CNKSR2: variants seen among roughly 807,000 people sequenced by gnomAD.
CNKSR2 encodes the protein CNK homolog protein 2.
CNKSR2 carries 14 observed loss-of-function variants against 84.4 expected under a neutral mutation model. The ratio of observed to expected loss-of-function variants is 0.17; its 90% confidence interval spans 0.11 to 0.26. The LOEUF (loss-of-function observed/expected upper bound fraction) is 0.26, where lower values mean the gene tolerates loss of function less well. Ranked by LOEUF, CNKSR2 falls within the 10% of genes least tolerant of loss-of-function variation. The pLI is 1.00. For missense variants in CNKSR2, 485 were observed against 771.2 expected (o/e 0.63, Z 4.40); for synonymous variants, 275 against 277.9 (o/e 0.99, Z 0.10).
At chrX:21,542,640 A>T (rs907313458) in intron 11 of CNKSR2, among the ~76,000 whole-genome samples, 3 of 111,833 alleles carry the variant, frequency 2.7e-5, no homozygotes, top group African/African-American at 9.7e-5. Flanking sequence ...CTTGCTGTAC[A>T]TGGACTCCTT....
At chrX:21,496,277 G>T (rs1234785529) in intron 6 of CNKSR2, among the ~76,000 whole-genome samples, 1 of 111,234 alleles carries the variant, frequency 9.0e-6, no homozygotes, top group East Asian at 2.8e-4. Context: ...CAGAGATCTT[G>T]TCCTCTTCTA....
rs141930819 is a variant in CNKSR2 at position 21,610,250 on chromosome X, C to T, written c.2692+633C>T. 7.2e-3 allele frequency among the ~76,000 whole-genome samples: 813 copies of T among 112,271 alleles called. 10 individuals carry two copies. Among genetic ancestry groups the T allele is most frequent in the African/African-American group, 0.025 (783 of 30,929 alleles). ...CTTGGTATGTGTGTTGATCGTAAAG[C>T]TCAATTTATGTGAATCAACTCTTAT... On this transcript the variant is annotated intron_variant, in intron 20 of 21. Transcript: ENST00000379510.
At chrX:21,624,614 A>G (rs769039478) in intron 20 of CNKSR2, among the ~76,000 whole-genome samples, 2 of 110,738 alleles carry the variant, frequency 1.8e-5, no homozygotes, top group Non-Finnish European at 3.8e-5. Context: ...GGTTCAAGCA[A>G]TTTCCGGCTA....
chrX:21,439,305 T>C (rs1483995828), intron 3 of CNKSR2, among the ~76,000 whole-genome samples: 1 of 111,010 alleles, frequency 9.0e-6, no homozygotes, highest in East Asian at 2.8e-4. Context: ...AAGTAATACA[T>C]TGAACAGAAT....
At chrX:21,574,159 A>G (rs913417572) in intron 13 of CNKSR2, among the ~76,000 whole-genome samples, 3 of 111,730 alleles carry the variant, frequency 2.7e-5, no homozygotes, top group Non-Finnish European at 3.8e-5. Flanking sequence ...CCTGGACTTC[A>G]TTGTACATAT....
chrX:21,483,087 T>C (rs1226718848), intron 5 of CNKSR2, among the ~76,000 whole-genome samples: 2 of 112,026 alleles, frequency 1.8e-5, no homozygotes, highest in Non-Finnish European at 3.8e-5. Context: ...TCTGTACTCG[T>C]ATGAACAAGA....
chrX:21,405,945 A>C (rs1179393021), intron 1 of CNKSR2, among the ~76,000 whole-genome samples: 2 of 111,635 alleles, frequency 1.8e-5, no homozygotes, highest in Non-Finnish European at 3.8e-5. Context: ...TGCTGTGTAG[A>C]TTCTACATAG....
chrX:21,443,028 G>A (rs760706640), intron 4 of CNKSR2, among the ~76,000 whole-genome samples: 26 of 110,350 alleles, frequency 2.4e-4, no homozygotes, highest in Non-Finnish European at 5.7e-5. Flanking sequence ...GGTGAGGATC[G>A]AAAAACTACC....
Position 21,602,713 on chromosome X carries a change from A to G in CNKSR2, c.2044+1364A>G, listed in dbSNP as rs1423589399. ...CAGATTTCTTTAAAAGGAATAAAAC[A>G]GTTCTCTGCAGAGACTATACTTGCA... On this transcript the variant is annotated intron_variant, in intron 18 of 21. Transcript: ENST00000379510. 3.6e-5 allele frequency among the ~76,000 whole-genome samples: 4 copies of G among 111,863 alleles called. No individual in the cohort carries two copies. In the Admixed American group the frequency reaches 3.8e-4, roughly 11 times the overall value.
intron 1 of CNKSR2, chrX:21,422,384 C>G (rs2090509249): frequency 8.9e-6 from 1 of 111,748 alleles, no homozygotes; most frequent in Non-Finnish European, 1.9e-5. Flanking sequence ...CCTCAGCTGT[C>G]AATCTCTTCC....
intron 11 of CNKSR2, among the ~76,000 whole-genome samples, chrX:21,551,043 A>G (rs1020081634): frequency 6.3e-5 from 7 of 110,584 alleles, no homozygotes; most frequent in Non-Finnish European, 1.3e-4. Context: ...AAAAAAAAAA[A>G]AATGAGTTTA....
intron 9 of CNKSR2, among the ~76,000 whole-genome samples, chrX:21,520,236 C>T (rs922778652): frequency 2.7e-5 from 3 of 110,936 alleles, no homozygotes; most frequent in African/African-American, 9.8e-5. Flanking sequence ...CTTAACCATC[C>T]CTTAGTCAAA....
chrX:21,541,332 T>A (rs1160985979), intron 11 of CNKSR2, among the ~76,000 whole-genome samples: 1 of 111,963 alleles, frequency 8.9e-6, no homozygotes, highest in Non-Finnish European at 1.9e-5. Flanking sequence ...CGAAGATTCT[T>A]ATGTTATACC....
intron 5 of CNKSR2, among the ~76,000 whole-genome samples, chrX:21,485,517 G>T (rs889037153): frequency 2.7e-5 from 3 of 110,464 alleles, no homozygotes; most frequent in Non-Finnish European, 5.7e-5. Flanking sequence ...CAAAAACTTT[G>T]CATTTCAGCC....
At chrX:21,617,319 C>CA (rs1243627798) in intron 20 of CNKSR2, among the ~76,000 whole-genome samples, 1 of 111,447 alleles carries the variant, frequency 9.0e-6, no homozygotes, top group African/African-American at 3.3e-5. Context: ...CCGAAGGTCA[C>CA]AAATGCCTCA....
intron 13 of CNKSR2, among the ~76,000 whole-genome samples, chrX:21,572,792 A>G (rs112374028): frequency 0.053 from 5,864 of 110,975 alleles, 393 homozygotes; most frequent in African/African-American, 0.18. Context: ...TCAAGATGAG[A>G]TTTGGGTGGG....
In CNKSR2 at chrX:21,394,736, CAGA is replaced by C. The variant is rs535819946; in HGVS notation, c.64+19779_64+19781del. Among the ~76,000 whole-genome samples, 9 of 111,282 alleles carry C rather than the reference CAGA, an allele frequency of 8.1e-5. No individual in the cohort carries two copies. In the South Asian group the frequency reaches 3.4e-3, roughly 42 times the overall value. On this transcript the variant is annotated intron_variant, in intron 1 of 21. Transcript: ENST00000379510. ...TTAAATTTTATTTCTCAAATCTTGT[CAGA>C]AGATTGGAATGTAAGAGTTTTATTA...
intron 6 of CNKSR2, 76 bp from the exon 7 acceptor site, chrX:21,497,711 A>G (rs1255526811): frequency 1.1e-5 from 6 of 537,858 alleles, no homozygotes; most frequent in Non-Finnish European, 2.0e-5. Flanking sequence ...GTAATTTTTT[A>G]TATAAACGAG....
At chrX:21,515,201 A>C (rs1480638758) in intron 8 of CNKSR2, among the ~76,000 whole-genome samples, 1 of 111,526 alleles carries the variant, frequency 9.0e-6, no homozygotes, top group Admixed American at 9.6e-5. Flanking sequence ...GTTGCAATTT[A>C]GATGAATGCT....
Sources: gnomAD v4.1 joint callset for allele counts (sites outside exome capture counted in the v4.1 genomes callset) on GRCh38, gnomAD v4.1.1 for gene constraint, MANE v1.5 for transcripts, NCBI Gene and HGNC (gene_info 2026-07-23, HGNC 2026-07-21) for gene names.